Variants in HIVEP3 observed in about 807,000 individuals in gnomAD.
HIVEP3 encodes the protein HIVEP zinc finger 3, also known as transcription factor HIVEP3.
In HIVEP3, 49 loss-of-function variants were observed where a neutral mutation model predicts 152.8. The ratio of observed to expected loss-of-function variants is 0.32; its 90% confidence interval spans 0.26 to 0.41. HIVEP3 has a LOEUF of 0.41. Among genes scored for constraint, HIVEP3 ranks in the 10% least tolerant of loss-of-function variants. HIVEP3 has a pLI of 1.00. For synonymous variants in HIVEP3, 1,269 were observed against 1,289.0 expected, an observed-to-expected ratio of 0.98 and a Z score of 0.33; for missense variants, 2,790 against 3,103.3, an observed-to-expected ratio of 0.90 and a Z score of 2.40.
rs746546714 is a variant in HIVEP3 at position 41,664,942 on chromosome 1, A to G, written c.-721+35974T>C. Among the ~76,000 whole-genome samples, 7 of 152,216 alleles carry G rather than the reference A, an allele frequency of 4.6e-5. No homozygotes were observed. The highest frequency in any genetic ancestry group is 1.0e-4 in the Non-Finnish European group (7 of 68,038). On this transcript the variant is annotated intron_variant, in intron 2 of 8. Transcript: ENST00000372583. The surrounding 1 kb of genome is among the most constrained non-coding windows in gnomAD (Gnocchi z 4.4). Reference sequence around the variant, plus strand: ...GGATGAAGGAAAATGCAATTTGTCAAGCCCTTTCATTGTACCAGACACAGT... The same window carrying G: ...GGATGAAGGAAAATGCAATTTGTCAGGCCCTTTCATTGTACCAGACACAGT...
At position 41,581,013 on chromosome 1, in the gene HIVEP3, T is replaced by C; in HGVS notation, c.3785A>G (p.Lys1262Arg). ...GDVESHLPQI[K>R]TSLAPLATGS... ...TGTTGCCAGTGGGGCCAGGCTGGTT[T>C]TGATCTGGGGCAGATGGCTTTCCAC... is the stretch of plus-strand genomic sequence containing the variant. The change falls in exon 4 of 9, where the codon AAA becomes AGA. Residue 1262 changes from lysine to arginine, a missense_variant. Physicochemically the swap from Lys to Arg is conservative, Grantham distance 26. Around this residue, in one of 9 missense-constraint regions of HIVEP3, gnomAD observed 1,078 missense variants for 1,165.3 expected, o/e 0.93. Transcript: ENST00000372583. The surrounding 1 kb of genome is among the most constrained non-coding windows in gnomAD (Gnocchi z 4.5). The C allele has an allele frequency of 6.4e-7, 1 of 1,565,770 alleles. No homozygotes were observed. Among genetic ancestry groups the C allele is most frequent in the Non-Finnish European group, 8.7e-7 (1 of 1,155,666 alleles).
At chr1:41,865,354 TC>T (rs1192006643) in intron 1 of HIVEP3, among the ~76,000 whole-genome samples, 2 of 152,154 alleles carry the variant, frequency 1.3e-5, no homozygotes, top group Non-Finnish European at 2.9e-5. Flanking sequence ...ATTTGCCACC[TC>T]TGGCGGTGAT....
At chr1:41,529,494 C>CA (rs138930881) in intron 5 of HIVEP3, among the ~76,000 whole-genome samples, 20,521 of 96,236 alleles carry the variant, frequency 0.21, 3,499 homozygotes, top group Non-Finnish European at 0.32. Flanking sequence ...TCACATACTC[C>CA]ACACCCCATC....
chr1:41,929,468 A>G (rs1644984680), intron 1 of HIVEP3, among the ~76,000 whole-genome samples: 1 of 151,714 alleles, frequency 6.6e-6, no homozygotes, highest in African/African-American at 2.4e-5. Context: ...CTCATCTTGT[A>G]GTTTGCCTAC....
intron 1 of HIVEP3, among the ~76,000 whole-genome samples, chr1:41,832,364 C>T (rs1405305461): frequency 6.6e-6 from 1 of 151,892 alleles, no homozygotes; most frequent in African/African-American, 2.4e-5. Context: ...CCTGTCTCTA[C>T]AAAAATTTTT....
chr1:41,905,743 T>C (rs2147904), intron 1 of HIVEP3, among the ~76,000 whole-genome samples: 76,859 of 151,944 alleles, frequency 0.51, 19,977 homozygotes, highest in Middle Eastern at 0.56. Flanking sequence ...AATTAGAATA[T>C]AGTACAGTCT....
At chr1:41,906,724 G>A (rs1384981897) in intron 1 of HIVEP3, among the ~76,000 whole-genome samples, 1 of 152,076 alleles carries the variant, frequency 6.6e-6, no homozygotes, top group Non-Finnish European at 1.5e-5. Context: ...CAAGAGACTT[G>A]ATGTCATGCA....
At chr1:41,938,263 G>A (rs1391650555) in intron 1 of HIVEP3, among the ~76,000 whole-genome samples, 1 of 152,074 alleles carries the variant, frequency 6.6e-6, no homozygotes, top group African/African-American at 2.4e-5. Context: ...ATTAACCTCT[G>A]TAGAAGGCTG....
intron 1 of HIVEP3, among the ~76,000 whole-genome samples, chr1:41,763,299 C>A (rs973401070): frequency 1.4e-4 from 22 of 152,202 alleles, no homozygotes; most frequent in African/African-American, 5.1e-4. Context: ...GCCTGGAATC[C>A]TGGGGCAAGC....
intron 1 of HIVEP3, among the ~76,000 whole-genome samples, chr1:41,734,734 G>A (rs1244136996): frequency 6.6e-6 from 1 of 152,192 alleles, no homozygotes; most frequent in East Asian, 1.9e-4. Flanking sequence ...AGGACCCACA[G>A]CAGCCAGCCC....
chr1:42,035,769 G>T (rs1645639719), intron 1 of HIVEP3: 1 of 151,568 alleles, frequency 6.6e-6, no homozygotes. Flanking sequence ...AGCCCGAGGA[G>T]GGGGGCGCGA....
chr1:41,727,603 G>A (rs773521343), intron 1 of HIVEP3, among the ~76,000 whole-genome samples: 29 of 152,254 alleles, frequency 1.9e-4, no homozygotes, highest in Admixed American at 1.1e-3. Flanking sequence ...GCGCGGCGCC[G>A]CCGGAGGAAT....
chr1:41,640,196 C>A (rs12134166), intron 2 of HIVEP3, among the ~76,000 whole-genome samples: 1 of 143,094 alleles, frequency 7.0e-6, no homozygotes, highest in Non-Finnish European at 1.5e-5. Flanking sequence ...AGGAGAATAC[C>A]GGAGTGGCGG....
intron 2 of HIVEP3, among the ~76,000 whole-genome samples, chr1:41,638,837 T>C (rs909842424): frequency 6.6e-6 from 1 of 152,214 alleles, no homozygotes; most frequent in Admixed American, 6.5e-5. Flanking sequence ...TCACTGCAGC[T>C]GACAAAGGGT....
At chr1:41,707,099 C>T (rs895418897) in intron 1 of HIVEP3, among the ~76,000 whole-genome samples, 7 of 152,170 alleles carry the variant, frequency 4.6e-5, no homozygotes, top group African/African-American at 9.7e-5. Flanking sequence ...CTGGTGGAAG[C>T]TGTGCTGGGT....
chr1:41,885,594 G>A (rs1644332022), intron 1 of HIVEP3, among the ~76,000 whole-genome samples: 1 of 152,228 alleles, frequency 6.6e-6, no homozygotes, highest in South Asian at 2.1e-4. Context: ...GAACCCAAGA[G>A]GCAGGGGGTG....
upstream of HIVEP3, among the ~76,000 whole-genome samples, chr1:41,923,511 C>A (rs1644951865): frequency 6.6e-6 from 1 of 151,976 alleles, no homozygotes; most frequent in Admixed American, 6.5e-5. Flanking sequence ...GGGAAAGGAG[C>A]AACATTGGCC....
chr1:41,929,323 AT>A (rs1039997397), intron 1 of HIVEP3, among the ~76,000 whole-genome samples: 1 of 151,948 alleles, frequency 6.6e-6, no homozygotes, highest in African/African-American at 2.4e-5. Flanking sequence ...ATCCTTACTT[AT>A]TTTTTTGACC....
chr1:41,991,311 G>C (rs1645359461), intron 1 of HIVEP3, among the ~76,000 whole-genome samples: 1 of 150,810 alleles, frequency 6.6e-6, no homozygotes, highest in African/African-American at 2.4e-5. Flanking sequence ...AATGATAAAG[G>C]GGATATCACC....
Sources: allele counts gnomAD v4.1 joint callset (sites outside exome capture counted in the v4.1 genomes callset), GRCh38; gene constraint gnomAD v4.1.1; regional missense constraint gnomAD v4.1.1; non-coding constraint Gnocchi (gnomAD v3.1); transcripts MANE v1.5; gene names NCBI Gene and HGNC (gene_info 2026-07-23, HGNC 2026-07-21).